The following DOK6 variants were observed in gnomAD, a reference collection of about 807,000 sequenced individuals.
The protein encoded by DOK6 is downstream of tyrosine kinase 6.
In DOK6, 22 loss-of-function variants were observed where a neutral mutation model predicts 44.0. The observed-to-expected ratio is 0.50, with a 90% confidence interval of 0.36 to 0.71. The LOEUF (loss-of-function observed/expected upper bound fraction) is 0.71, where lower values mean the gene tolerates loss of function less well. Among genes scored for constraint, DOK6 ranks in the 30% least tolerant of loss-of-function variants. The pLI, the probability that DOK6 is intolerant of heterozygous loss-of-function variation, is 0.00. For synonymous variants in DOK6, 166 were observed against 145.5 expected, an observed-to-expected ratio of 1.14 and a Z score of -1.01; for missense variants, 340 against 416.4, an observed-to-expected ratio of 0.82 and a Z score of 1.60.
At chr18:69,514,136 G>A (rs575312337) in intron 1 of DOK6, among the ~76,000 whole-genome samples, 20 of 151,814 alleles carry the variant, frequency 1.3e-4, no homozygotes, top group Non-Finnish European at 2.1e-4. Flanking sequence ...TTGATTACCT[G>A]TTTGTGTAAA....
intron 1 of DOK6, among the ~76,000 whole-genome samples, chr18:69,505,101 C>T (rs995729755): frequency 2.6e-5 from 4 of 152,186 alleles, no homozygotes; most frequent in Non-Finnish European, 4.4e-5. Flanking sequence ...TTCCCACAGT[C>T]CACAGTCACA....
intron 5 of DOK6, among the ~76,000 whole-genome samples, chr18:69,707,304 A>G (rs1010296490): frequency 6.6e-6 from 1 of 152,232 alleles, no homozygotes; most frequent in East Asian, 1.9e-4. Context: ...CAAGCTACCA[A>G]TGACTTTCTT....
At chr18:69,444,414 A>G (rs1979220643) in intron 1 of DOK6, among the ~76,000 whole-genome samples, 1 of 152,160 alleles carries the variant, frequency 6.6e-6, no homozygotes, top group African/African-American at 2.4e-5. Context: ...ACTTGATTCA[A>G]TTTGTGGTTG....
At chr18:69,714,107 T>C (rs779646023) in intron 5 of DOK6, among the ~76,000 whole-genome samples, 1 of 152,202 alleles carries the variant, frequency 6.6e-6, no homozygotes, top group African/African-American at 2.4e-5. Context: ...AATAGACTAC[T>C]GATCTTTACC....
At chr18:69,501,958 C>G (rs1229456294) in intron 1 of DOK6, among the ~76,000 whole-genome samples, 1 of 152,064 alleles carries the variant, frequency 6.6e-6, no homozygotes, top group Non-Finnish European at 1.5e-5. Flanking sequence ...AAACCCAGAA[C>G]AATGATCTGT....
intron 2 of DOK6, among the ~76,000 whole-genome samples, chr18:69,576,033 C>T (rs1255451318): frequency 6.6e-6 from 1 of 152,170 alleles, no homozygotes; most frequent in Non-Finnish European, 1.5e-5. Flanking sequence ...TTCCTCATGG[C>T]TTGCTCCATT....
At chr18:69,611,502 ACACACACACACACACACACAC>A (rs1984139423) in intron 3 of DOK6, among the ~76,000 whole-genome samples, 1 of 4,956 alleles carries the variant, frequency 2.0e-4, no homozygotes, top group Non-Finnish European at 4.2e-3. Flanking sequence ...ACGTACACAC[ACACACACACACACACACACAC>A]ACACACCTGA....
At chr18:69,434,038 TATC>T (rs1978880058) in intron 1 of DOK6, among the ~76,000 whole-genome samples, 1 of 152,210 alleles carries the variant, frequency 6.6e-6, no homozygotes, top group African/African-American at 2.4e-5. Context: ...TTCCATCTGT[TATC>T]ATACATTTTA....
chr18:69,630,838 A>AT (rs1244973080), intron 3 of DOK6, among the ~76,000 whole-genome samples: 1 of 152,146 alleles, frequency 6.6e-6, no homozygotes, highest in Non-Finnish European at 1.5e-5. Context: ...ATTGCTGAAC[A>AT]TTTTTTGTCT....
At chr18:69,417,317 G>A (rs1029328183) in intron 1 of DOK6, among the ~76,000 whole-genome samples, 9 of 151,986 alleles carry the variant, frequency 5.9e-5, no homozygotes, top group East Asian at 3.9e-4. Context: ...GACACGTAAC[G>A]TTTGTCTTCC....
chr18:69,502,292 A>C (rs1376066711), intron 1 of DOK6, among the ~76,000 whole-genome samples: 2 of 152,100 alleles, frequency 1.3e-5, no homozygotes, highest in African/African-American at 4.8e-5. Flanking sequence ...GATAAGGCTC[A>C]GGACTCTGAA....
chr18:69,784,850 T>C (rs1358327365), intron 7 of DOK6, among the ~76,000 whole-genome samples: 1 of 152,180 alleles, frequency 6.6e-6, no homozygotes, highest in Non-Finnish European at 1.5e-5. Flanking sequence ...CTTATAGAAA[T>C]GCAGGTAAAA....
chr18:69,423,478 A>G (rs1190434661), intron 1 of DOK6, among the ~76,000 whole-genome samples: 2 of 152,148 alleles, frequency 1.3e-5, no homozygotes, highest in Non-Finnish European at 1.5e-5. Context: ...TAAGTTAATC[A>G]CTTTTCCTCT....
At chr18:69,742,874 A>G (rs1978852720) in intron 6 of DOK6, among the ~76,000 whole-genome samples, 1 of 152,214 alleles carries the variant, frequency 6.6e-6, no homozygotes, top group Non-Finnish European at 1.5e-5. Flanking sequence ...TAAATACACC[A>G]TTTGAGCTTG....
chr18:69,748,115 T>C (rs1199691533), intron 6 of DOK6, among the ~76,000 whole-genome samples: 1 of 151,968 alleles, frequency 6.6e-6, no homozygotes, highest in Non-Finnish European at 1.5e-5. Context: ...CAAAACAGAC[T>C]TTAAACCAAC....
At chr18:69,494,486 CAAACA>C (rs985914422) in intron 1 of DOK6, among the ~76,000 whole-genome samples, 4 of 151,256 alleles carry the variant, frequency 2.6e-5, no homozygotes, top group Admixed American at 6.6e-5. Context: ...AAAAAACAAA[CAAACA>C]AAAAAAAAGT....
intron 1 of DOK6, among the ~76,000 whole-genome samples, chr18:69,470,694 G>A (rs929966384): frequency 8.5e-5 from 13 of 152,168 alleles, no homozygotes; most frequent in South Asian, 4.1e-4. Context: ...ATGGTGGGGC[G>A]GGAGGGAATA....
At chr18:69,532,624 G>C (rs1201161399) in intron 1 of DOK6, 1 of 152,268 alleles carries the variant, frequency 6.6e-6, no homozygotes, top group Non-Finnish European at 1.5e-5. Flanking sequence ...ATTTTGGGAG[G>C]CCAAAGCAGG....
At chr18:69,474,900 A>G (rs1458787805) in intron 1 of DOK6, among the ~76,000 whole-genome samples, 1 of 152,190 alleles carries the variant, frequency 6.6e-6, no homozygotes, top group Non-Finnish European at 1.5e-5. Flanking sequence ...AAATTTAACA[A>G]TGCAACAGAA....
Sources: gnomAD v4.1 joint callset for allele counts (sites outside exome capture counted in the v4.1 genomes callset) on GRCh38, gnomAD v4.1.1 for gene constraint, MANE v1.5 for transcripts, NCBI Gene and HGNC (gene_info 2026-07-23, HGNC 2026-07-21) for gene names.